Variants in SYTL3 observed in about 807,000 individuals in gnomAD.
SYTL3 encodes the protein synaptotagmin like 3, also known as synaptotagmin-like protein 3.
Under a neutral mutation model 82.1 loss-of-function variants are expected in SYTL3, and 88 were observed. That is an observed-to-expected ratio of 1.07 (90% CI 0.90 to 1.28). The LOEUF (loss-of-function observed/expected upper bound fraction) is 1.28, where lower values mean the gene tolerates loss of function less well. Ranked by LOEUF, SYTL3 falls within the 50% of genes most tolerant of loss-of-function variation. SYTL3 has a pLI of 0.00. For missense variants in SYTL3, 831 were observed against 757.6 expected (o/e 1.10, Z -1.14); for synonymous variants, 311 against 289.4 (o/e 1.07, Z -0.76).
chr6:158,682,905 CTTTCTGCTCATTT>C lies in SYTL3; in HGVS notation c.330-15_330-3del, dbSNP rs1778878071. ...TCATATCTTCTCTCTCTGAAGCTTCCTTTCTGCTCATTTTTTCAGGAATGTCAAAATAAAAACT... is the reference window on the plus strand; with the variant it reads ...TCATATCTTCTCTCTCTGAAGCTTCCTTTCAGGAATGTCAAAATAAAAACT... On this transcript the variant is annotated splice_polypyrimidine_tract_variant and splice_region_variant and intron_variant, in intron 5 of 17. Coordinates refer to ENST00000611299, the MANE Select transcript of SYTL3 (RefSeq NM_001242394.2). 2 of 1,605,130 alleles carry C rather than the reference CTTTCTGCTCATTT, an allele frequency of 1.2e-6. No individual in the cohort carries two copies. The highest frequency in any genetic ancestry group is 2.7e-5 in the African/African-American group (2 of 74,712).
intron 12 of SYTL3, 73 bp downstream of exon 12, chr6:158,745,731 G>T: frequency 9.6e-7 from 1 of 1,044,794 alleles, no homozygotes; most frequent in South Asian, 2.4e-5. Flanking sequence ...AAAAGTCTAA[G>T]AATAACCAAG....
intron 6 of SYTL3, among the ~76,000 whole-genome samples, chr6:158,705,664 A>AGGGCAGGAGG (rs1781998287): frequency 6.7e-6 from 1 of 148,180 alleles, no homozygotes; most frequent in Non-Finnish European, 1.5e-5. Flanking sequence ...AAGGTCACAT[A>AGGGCAGGAGG]GACCTGGGGA....
At chr6:158,700,838 G>T (rs181947193) in intron 6 of SYTL3, among the ~76,000 whole-genome samples, 63 of 152,092 alleles carry the variant, frequency 4.1e-4, no homozygotes, top group Middle Eastern at 3.4e-3. Flanking sequence ...GGATGGTCTC[G>T]ATCTCCTGAC....
chr6:158,682,207 GGGATTACA>G (rs1778771152), intron 5 of SYTL3, among the ~76,000 whole-genome samples: 1 of 152,066 alleles, frequency 6.6e-6, no homozygotes, highest in Non-Finnish European at 1.5e-5. Context: ...CCAAAGTACT[GGGATTACA>G]GGCGTGAGCC....
chr6:158,728,465 G>A (rs1158332054), intron 11 of SYTL3, among the ~76,000 whole-genome samples: 4 of 152,124 alleles, frequency 2.6e-5, no homozygotes, highest in Admixed American at 6.5e-5. Flanking sequence ...TGATCTCTTC[G>A]TCTGTCCTTA....
rs569467997 is a variant in SYTL3, at chr6:158,702,558, G to GA, written c.395-4668dup. 1.3e-4 allele frequency among the ~76,000 whole-genome samples: 20 copies of GA among 151,242 alleles called. No homozygotes were observed. The South Asian group carries it at 1.9e-3, about 14-fold the overall frequency. ...CCCCGTCTCAAAAACAAGAGGGGGGGAAAAGAAGTTACTCAGCTTTCTGGG... is the reference window on the plus strand; with the variant it reads ...CCCCGTCTCAAAAACAAGAGGGGGGGAAAAAGAAGTTACTCAGCTTTCTGGG... On this transcript the variant is annotated intron_variant, in intron 6 of 17. Transcript: ENST00000611299.
intron 12 of SYTL3, among the ~76,000 whole-genome samples, chr6:158,747,896 G>A (rs181147549): frequency 2.0e-5 from 3 of 152,158 alleles, no homozygotes; most frequent in South Asian, 2.1e-4. Context: ...TGTATTGTAC[G>A]TATTTTATCC....
At chr6:158,714,949 C>T (rs1783185409) in intron 9 of SYTL3, among the ~76,000 whole-genome samples, 1 of 152,196 alleles carries the variant, frequency 6.6e-6, no homozygotes, top group Non-Finnish European at 1.5e-5. Flanking sequence ...ATGCAATGGT[C>T]TGTTCCTTTC....
chr6:158,683,683 G>A (rs1037151054), intron 6 of SYTL3, among the ~76,000 whole-genome samples: 1 of 152,204 alleles, frequency 6.6e-6, no homozygotes, highest in African/African-American at 2.4e-5. Context: ...GTGCACTTCT[G>A]TTTCTCTCTA....
chr6:158,683,831 T>C (rs1056512702), intron 6 of SYTL3, among the ~76,000 whole-genome samples: 9 of 152,212 alleles, frequency 5.9e-5, no homozygotes, highest in African/African-American at 2.2e-4. Context: ...GAGCAGAGGT[T>C]GATGCTTGTG....
At chr6:158,763,163 C>T (rs1790220285) in intron 16 of SYTL3, 141 bp from the exon 17 acceptor site, 1 of 780,232 alleles carries the variant, frequency 1.3e-6, no homozygotes, top group African/African-American at 1.7e-5. Flanking sequence ...CCTGTGGTTC[C>T]CACCCTGCTT....
rs867926084 is a variant in SYTL3 at position 158,719,997 on chromosome 6, G to A, written c.720+1786G>A. On this transcript the variant is annotated intron_variant, in intron 10 of 17. Coordinates refer to ENST00000611299, the MANE Select transcript of SYTL3 (RefSeq NM_001242394.2). ...CCAGCTACTAGGGAGACTGAGGTGG[G>A]AGGATCGCTTGAGCCCAGGAGGTCA... Among the ~76,000 whole-genome samples the A allele has an allele frequency of 1.2e-4, 18 of 152,324 alleles. 1 individual carries two copies. In the Middle Eastern group the frequency reaches 0.014, roughly 115 times the overall value.
chr6:158,739,229 A>G (rs1786603641), intron 11 of SYTL3, among the ~76,000 whole-genome samples: 2 of 152,078 alleles, frequency 1.3e-5, no homozygotes, highest in South Asian at 2.1e-4. Context: ...CCTTCTTTTC[A>G]TCATTCTTTT....
intron 11 of SYTL3, among the ~76,000 whole-genome samples, chr6:158,730,984 G>C (rs1785329958): frequency 6.6e-6 from 1 of 152,130 alleles, no homozygotes; most frequent in African/African-American, 2.4e-5. Flanking sequence ...CAAACCTCCA[G>C]TAGTAAAAAA....
At chr6:158,687,434 C>T (rs886437091) in intron 6 of SYTL3, among the ~76,000 whole-genome samples, 1 of 152,216 alleles carries the variant, frequency 6.6e-6, no homozygotes, top group African/African-American at 2.4e-5. Context: ...AAGCCACACC[C>T]TGTCATTTCT....
Position 158,686,717 on chromosome 6 carries a change from ATTTAC to A in SYTL3, c.394+3733_394+3737del, listed in dbSNP as rs548930985. Among the ~76,000 whole-genome samples, 134 of 152,330 alleles carry A rather than the reference ATTTAC, an allele frequency of 8.8e-4. 1 individual carries two copies. Among genetic ancestry groups the A allele is most frequent in the African/African-American group, 2.8e-3 (116 of 41,572 alleles). Reference sequence around the variant, plus strand: ...AAACTGTCTGGTTATTTGAATAAGAATTTACTTTAGGGATTGGTTAGACAGGAATT... The same window carrying A: ...AAACTGTCTGGTTATTTGAATAAGAATTTAGGGATTGGTTAGACAGGAATT... On this transcript the variant is annotated intron_variant, in intron 6 of 17. Coordinates refer to ENST00000611299, the MANE Select transcript of SYTL3 (RefSeq NM_001242394.2).
At chr6:158,652,969 A>G (rs1583109497) in intron 2 of SYTL3, among the ~76,000 whole-genome samples, 1 of 152,226 alleles carries the variant, frequency 6.6e-6, no homozygotes, top group African/African-American at 2.4e-5. Context: ...GTGCAAATAA[A>G]GGATTCTGAA....
chr6:158,752,418 A>C (rs895549715), intron 13 of SYTL3, among the ~76,000 whole-genome samples: 1 of 152,176 alleles, frequency 6.6e-6, no homozygotes, highest in African/African-American at 2.4e-5. Flanking sequence ...TAAACTCCTG[A>C]GTTACTGTCT....
At chr6:158,753,457 G>A (rs1035824808) in intron 13 of SYTL3, among the ~76,000 whole-genome samples, 6 of 152,020 alleles carry the variant, frequency 3.9e-5, no homozygotes, top group Middle Eastern at 3.2e-3. Flanking sequence ...TGGGCCGGGC[G>A]CGGTGGCTCA....
Sources: gnomAD v4.1 joint callset for allele counts (sites outside exome capture counted in the v4.1 genomes callset) on GRCh38, gnomAD v4.1.1 for gene constraint, MANE v1.5 for transcripts, NCBI Gene and HGNC (gene_info 2026-07-23, HGNC 2026-07-21) for gene names.